ADAMTS17: variants seen among roughly 807,000 people sequenced by gnomAD.
ADAMTS17 encodes ADAM metallopeptidase with thrombospondin type 1 motif 17.
A neutral mutation model predicts 141.5 loss-of-function variants in ADAMTS17; 113 were observed. The ratio of observed to expected loss-of-function variants is 0.80; its 90% CI spans 0.69 to 0.93. The LOEUF (loss-of-function observed/expected upper bound fraction) is 0.93, where lower values mean the gene tolerates loss of function less well. Among genes scored for constraint, ADAMTS17 ranks in the 40% least tolerant of loss-of-function variants. The pLI is 0.00. For synonymous variants in ADAMTS17, 768 were observed against 630.6 expected (o/e 1.22, Z -3.27); for missense variants, 1,659 against 1,517.9 (o/e 1.09, Z -1.54).
At chr15:100,318,842 G>T (rs192346430) in intron 3 of ADAMTS17, among the ~76,000 whole-genome samples, 4 of 152,210 alleles carry the variant, frequency 2.6e-5, no homozygotes, top group African/African-American at 9.7e-5. Context: ...ACGGAGATGG[G>T]GGAATCTGGC....
At chr15:100,051,336 C>T (rs1416401940) in intron 17 of ADAMTS17, among the ~76,000 whole-genome samples, 1 of 152,186 alleles carries the variant, frequency 6.6e-6, no homozygotes, top group African/African-American at 2.4e-5. Flanking sequence ...ACCCATAGGT[C>T]AGAGCTGTGG....
chr15:100,011,016 G>A (rs977899301), intron 18 of ADAMTS17, among the ~76,000 whole-genome samples: 7 of 151,942 alleles, frequency 4.6e-5, no homozygotes, highest in Admixed American at 2.0e-4. Context: ...TCCGGAAGCC[G>A]GCGGTTCTAC....
intron 18 of ADAMTS17, among the ~76,000 whole-genome samples, chr15:100,007,547 G>C (rs1297496723): frequency 6.6e-6 from 1 of 152,002 alleles, no homozygotes; most frequent in African/African-American, 2.4e-5. Flanking sequence ...CAGCCTCCCT[G>C]GTTGGAAGAC....
At chr15:100,222,574 G>T (rs991532490) in intron 7 of ADAMTS17, among the ~76,000 whole-genome samples, 6 of 152,170 alleles carry the variant, frequency 3.9e-5, no homozygotes, top group Middle Eastern at 3.2e-3. Context: ...TTGGGGCCAG[G>T]TCCTCTGGCC....
At chr15:100,076,295 G>C (rs535976883) in intron 15 of ADAMTS17, among the ~76,000 whole-genome samples, 2 of 152,082 alleles carry the variant, frequency 1.3e-5, no homozygotes, top group African/African-American at 4.8e-5. Flanking sequence ...CACCTGCCCC[G>C]GCCTCCCAAA....
At chr15:100,292,511 T>A (rs771289957) in intron 3 of ADAMTS17, among the ~76,000 whole-genome samples, 1 of 145,646 alleles carries the variant, frequency 6.9e-6, no homozygotes, top group Non-Finnish European at 1.5e-5. Context: ...TCACCCCGTG[T>A]GAAATTATGA....
chr15:100,140,508 T>TATATATATATATATATATATATATATATA (rs61080608), intron 10 of ADAMTS17, among the ~76,000 whole-genome samples: 10 of 139,618 alleles, frequency 7.2e-5, no homozygotes, highest in South Asian at 2.3e-4. Flanking sequence ...TATATATATA[T>TATATATATATATATATATATATATATATA]CCAGTAAAGA....
intron 15 of ADAMTS17, among the ~76,000 whole-genome samples, chr15:100,063,349 C>T (rs2033265303): frequency 6.6e-6 from 1 of 152,214 alleles, no homozygotes; most frequent in Non-Finnish European, 1.5e-5. Flanking sequence ...ACTCAAGCTG[C>T]TCTCAGCTCT....
intron 1 of ADAMTS17, 84 bp downstream of exon 1, chr15:100,341,737 C>T (rs898192437): frequency 3.4e-6 from 5 of 1,482,832 alleles, no homozygotes; most frequent in Non-Finnish European, 4.5e-6. Context: ...GCCGCCGCCC[C>T]CGGGCCGCCA....
rs886050976 is a variant in ADAMTS17, at chr15:100,262,358, T to C, written c.867A>G (p.Gln289=). The C allele has an allele frequency of 3.7e-6, 6 of 1,613,830 alleles. No homozygotes were observed. The highest frequency in any genetic ancestry group is 1.7e-5 in the Admixed American group (1 of 59,988). ...IQVTKLVLLR[Q]RPAKLSIGHH... ...GGTGCCTGTGGGGACTTACGGGACG[T>C]TGTCGTAGCAGGACAAGCTTGGTCA... The change falls in exon 5 of 22, where the codon CAA becomes CAG. Residue 289 remains glutamine (Q), a synonymous_variant. Coordinates refer to ENST00000268070, the MANE Select transcript of ADAMTS17 (RefSeq NM_139057.4).
chr15:100,147,140 T>A (rs1032638516), intron 10 of ADAMTS17, among the ~76,000 whole-genome samples: 5 of 152,106 alleles, frequency 3.3e-5, no homozygotes, highest in Non-Finnish European at 5.9e-5. Context: ...AACTTGCTGG[T>A]TTTGTGGCTT....
chr15:100,100,025 ACCT>A (rs2035998744), intron 14 of ADAMTS17, among the ~76,000 whole-genome samples: 1 of 151,922 alleles, frequency 6.6e-6, no homozygotes, highest in Admixed American at 6.6e-5. Context: ...CTCATCTTTC[ACCT>A]CCTGCTCTAC....
chr15:100,247,841 G>T (rs563545818), intron 7 of ADAMTS17, among the ~76,000 whole-genome samples: 1 of 151,966 alleles, frequency 6.6e-6, no homozygotes, highest in Admixed American at 6.5e-5. Flanking sequence ...TTCCAAAACC[G>T]ATGCTTTGTT....
At chr15:99,981,479 A>G (rs1419032814) in intron 20 of ADAMTS17, among the ~76,000 whole-genome samples, 1 of 152,186 alleles carries the variant, frequency 6.6e-6, no homozygotes, top group Non-Finnish European at 1.5e-5. Flanking sequence ...GGCACTGTTC[A>G]CACAGCTGTG....
rs1257498603 is a variant in ADAMTS17, at chr15:100,341,030, G to C, written c.450+9C>G. 1.1e-5 allele frequency: 17 copies of C among 1,523,580 alleles called. No homozygotes were observed. Among genetic ancestry groups the C allele is most frequent in the Non-Finnish European group, 1.5e-5 (17 of 1,140,650 alleles). The allele number at this position is 1,523,580 out of a possible 1,614,324, so 94.4% of individuals were successfully genotyped here. A position where few individuals can be genotyped will look rare whatever the true frequency, so the allele number is the denominator to read the frequency against. On this transcript the variant is annotated intron_variant, in intron 2 of 21. Transcript: ENST00000268070. Reference sequence around the variant, plus strand: ...GGACGGGCCGACCCGGAGGTGGCGCGGGCAGTACCAGGCCGCCGGCGGCGC... The same window carrying C: ...GGACGGGCCGACCCGGAGGTGGCGCCGGCAGTACCAGGCCGCCGGCGGCGC...
At chr15:100,194,974 T>C (rs1407886391) in intron 8 of ADAMTS17, among the ~76,000 whole-genome samples, 1 of 152,232 alleles carries the variant, frequency 6.6e-6, no homozygotes, top group Non-Finnish European at 1.5e-5. Flanking sequence ...ACACTCACTT[T>C]ACGGTGCATT....
Position 99,999,551 on chromosome 15 carries a change from C to T in ADAMTS17, c.2592-1962G>A, listed in dbSNP as rs114090734. Among the ~76,000 whole-genome samples, 1,430 of 151,122 alleles carry T rather than the reference C, an allele frequency of 9.5e-3. 17 individuals are homozygous for T. The highest frequency in any genetic ancestry group is 0.032 in the African/African-American group (1,300 of 41,114). Reference sequence around the variant, plus strand: ...GGAGGCGGAGTGAGGAAGGGGAGAGCGAGGGGAAAGGATGGGATTTGGGGG... The same window carrying T: ...GGAGGCGGAGTGAGGAAGGGGAGAGTGAGGGGAAAGGATGGGATTTGGGGG... On this transcript the variant is annotated intron_variant, in intron 18 of 21. Transcript: ENST00000268070.
At chr15:100,051,927 TG>T (rs983559221) in intron 16 of ADAMTS17, among the ~76,000 whole-genome samples, 196 bp from the exon 17 acceptor site, 1 of 151,666 alleles carries the variant, frequency 6.6e-6, no homozygotes, top group African/African-American at 2.4e-5. Context: ...AACTGAGGAG[TG>T]GGGTGAATGC....
chr15:99,971,468 C>T lies in ADAMTS17; in HGVS notation c.*2934G>A, dbSNP rs1241129749. ...GGAAAAACATTTTATTACACATATT[C>T]AACTTGCTTCCAATGAAATGATTAA... On this transcript the variant is annotated 3_prime_UTR_variant, in exon 22 of 22. Transcript: ENST00000268070. 1 of 152,228 alleles carries T rather than the reference C, an allele frequency of 6.6e-6. No individual in the cohort carries two copies. The highest frequency in any genetic ancestry group is 1.5e-5 in the Non-Finnish European group (1 of 68,042). 9.4% of individuals were successfully genotyped at this position (152,228 alleles called of 1,614,324 possible).
Sources: gnomAD v4.1 joint callset for allele counts (sites outside exome capture counted in the v4.1 genomes callset) on GRCh38, gnomAD v4.1.1 for gene constraint, MANE v1.5 for transcripts, NCBI Gene and HGNC (gene_info 2026-07-23, HGNC 2026-07-21) for gene names.